The following PAPOLA variants were observed in gnomAD, a reference collection of about 807,000 sequenced individuals.
PAPOLA encodes polynucleotide adenylyltransferase alpha.
PAPOLA carries 15 observed loss-of-function variants against 100.6 expected under a neutral mutation model. That is an observed-to-expected ratio of 0.15 (90% CI 0.10 to 0.23). PAPOLA has a LOEUF of 0.23. Ranked by LOEUF, PAPOLA falls within the 10% of genes least tolerant of loss-of-function variation. The pLI, the probability that PAPOLA is intolerant of heterozygous loss-of-function variation, is 1.00. For missense variants in PAPOLA, 533 were observed against 884.2 expected, an observed-to-expected ratio of 0.60 and a Z score of 5.04; for synonymous variants, 293 against 300.0, an observed-to-expected ratio of 0.98 and a Z score of 0.24.
chr14:96,549,244 T>C (rs1900638754), intron 16 of PAPOLA, among the ~76,000 whole-genome samples: 1 of 151,964 alleles, frequency 6.6e-6, no homozygotes, highest in African/African-American at 2.4e-5. Context: ...CATGATGTTA[T>C]TCTAATTTTT....
At chr14:96,535,012 G>A (rs2140290449) in intron 10 of PAPOLA, 1 of 979,276 alleles carries the variant, frequency 1.0e-6, no homozygotes, top group South Asian at 4.7e-5. Flanking sequence ...TTACCATGAT[G>A]TAATTGTAAA....
chr14:96,559,596 T>TAC (rs1220536430), intron 19 of PAPOLA, among the ~76,000 whole-genome samples: 98 of 145,536 alleles, frequency 6.7e-4, no homozygotes, highest in Admixed American at 1.5e-3. Flanking sequence ...TATATATATA[T>TAC]ACACACACAC....
In PAPOLA at chr14:96,510,729, G is replaced by A. The variant is rs1466041423; in HGVS notation, c.8+8129G>A. On this transcript the variant is annotated intron_variant, in intron 1 of 21. Coordinates refer to ENST00000216277, the MANE Select transcript of PAPOLA (RefSeq NM_032632.5). ...TGGCTGGATGGCCCACCTGCAGTACGTTTTTAAGAATATAGTGGGATCTAA... is the reference window on the plus strand; with the variant it reads ...TGGCTGGATGGCCCACCTGCAGTACATTTTTAAGAATATAGTGGGATCTAA... 3.3e-5 allele frequency among the ~76,000 whole-genome samples: 5 copies of A among 152,162 alleles called. No homozygotes were observed. The East Asian group carries it at 7.7e-4, about 23-fold the overall frequency.
rs1265830155 is a variant in PAPOLA, at chr14:96,567,018, A to G, written c.*1968A>G. 2 of 152,394 alleles carry G rather than the reference A, an allele frequency of 1.3e-5. No homozygotes were observed. The highest frequency in any genetic ancestry group is 2.4e-5 in the African/African-American group (1 of 41,384). 9.4% of individuals were successfully genotyped at this position (152,394 alleles called of 1,614,324 possible). On this transcript the variant is annotated 3_prime_UTR_variant, in exon 22 of 22. Coordinates refer to ENST00000216277, the MANE Select transcript of PAPOLA (RefSeq NM_032632.5). The stretch of plus-strand genomic sequence containing the variant: ...TCATGACTGGAGTTTGCTTTGTTTT[A>G]TAGTATCTGTACTCCTTGTATTTTT...
chr14:96,533,227 AAGT>A (rs961474035), intron 9 of PAPOLA: 2 of 983,652 alleles, frequency 2.0e-6, no homozygotes, highest in Non-Finnish European at 2.4e-6. Context: ...ATTTAAGAAA[AAGT>A]AGAATAAAAG....
rs1458827832 is a variant in PAPOLA, at chr14:96,542,270, A to G, written c.1143A>G (p.Ala381=). 7 of 1,603,360 alleles carry G rather than the reference A, an allele frequency of 4.4e-6. No homozygotes were observed. The highest frequency in any genetic ancestry group is 2.2e-5 in the East Asian group (1 of 44,776). The change falls in exon 13 of 22, where the codon GCA becomes GCG. Residue 381 remains alanine (A), a synonymous_variant. Coordinates refer to ENST00000216277, the MANE Select transcript of PAPOLA (RefSeq NM_032632.5). The part of the protein sequence containing the change: ...YKHYIVLLAS[A]PTEKQRLEWV... ...ATTATATTGTACTTCTAGCAAGTGC[A>G]CCAACAGAAAAACAACGCCTGGAAT...
At chr14:96,560,830 A>G (rs1901782496) in intron 20 of PAPOLA, 119 bp downstream of exon 20, 3 of 644,330 alleles carry the variant, frequency 4.7e-6, no homozygotes, top group Non-Finnish European at 8.2e-6. Context: ...AGTATTGTTT[A>G]TTACTGTTAA....
intron 15 of PAPOLA, 30 bp from the exon 16 acceptor site, chr14:96,547,767 A>G (rs1900504927): frequency 2.6e-6 from 4 of 1,551,094 alleles, no homozygotes; most frequent in East Asian, 2.3e-5. Context: ...AAATGTTTCT[A>G]TTTCTTGTAA....
At chr14:96,548,510 A>G (rs78271912) in intron 16 of PAPOLA, among the ~76,000 whole-genome samples, 2 of 152,280 alleles carry the variant, frequency 1.3e-5, no homozygotes, top group African/African-American at 4.8e-5. Flanking sequence ...ATTTTAGTGG[A>G]CAGATACAAA....
At position 96,502,505 on chromosome 14, in the gene PAPOLA, T is replaced by TCCCTC; in HGVS notation, c.-85_-81dup. Reference sequence around the variant, plus strand: ...CCCAGGGCTGAGGCAGGCCCCCCCCTCCCTCCCGCCTCAGTGGATCATGCC... The same window carrying TCCCTC: ...CCCAGGGCTGAGGCAGGCCCCCCCCTCCCTCCCCTCCCGCCTCAGTGGATCATGCC... On this transcript the variant is annotated 5_prime_UTR_variant, in exon 1 of 22. Coordinates refer to ENST00000216277, the MANE Select transcript of PAPOLA (RefSeq NM_032632.5). 1 of 1,017,850 alleles carries TCCCTC rather than the reference T, an allele frequency of 9.8e-7. No homozygotes were observed. The highest frequency in any genetic ancestry group is 1.5e-5 in the South Asian group (1 of 66,298). The allele number at this position is 1,017,850 out of a possible 1,614,324, so 63.1% of individuals were successfully genotyped here. A position where few individuals can be genotyped will look rare whatever the true frequency, so the allele number is the denominator to read the frequency against.
At chr14:96,549,193 A>G (rs1900633403) in intron 16 of PAPOLA, among the ~76,000 whole-genome samples, 1 of 152,022 alleles carries the variant, frequency 6.6e-6, no homozygotes, top group South Asian at 2.1e-4. Flanking sequence ...AGATAGGTAG[A>G]TAGATGGGGA....
intron 1 of PAPOLA, among the ~76,000 whole-genome samples, chr14:96,516,428 T>G (rs1301491633): frequency 7.3e-6 from 1 of 137,636 alleles, no homozygotes; most frequent in Non-Finnish European, 1.6e-5. Flanking sequence ...TATCTCAAAC[T>G]CCTGGGCTCA....
intron 1 of PAPOLA, among the ~76,000 whole-genome samples, chr14:96,505,603 G>GGAATTGTAGTAGTTTTACA (rs1328551970): frequency 3.9e-5 from 6 of 152,114 alleles, no homozygotes; most frequent in Non-Finnish European, 8.8e-5. Flanking sequence ...CAAAAAAGAG[G>GGAATTGTAGTAGTTTTACA]GAATTGTAGT....
chr14:96,542,009 C>A, intron 12 of PAPOLA: 1 of 308,580 alleles, frequency 3.2e-6, no homozygotes, highest in Non-Finnish European at 6.0e-6. Context: ...TTGAATTAAG[C>A]TGCTTTTTGG....
rs766254927 is a variant in PAPOLA at position 96,542,776 on chromosome 14, T to A, written c.1172T>A (p.Val391Glu). ...APTEKQRLEW[V>E]GLVESKIRIL... ...AATACTAAGTGACATTTGTTCAGGG[T>A]GGGCTTGGTGGAATCAAAAATCCGA... The change falls in exon 14 of 22, where the codon GTG (valine) becomes GAG (glutamate). Residue 391 changes from valine (V) to glutamate (E), a missense_variant and splice_region_variant. By Grantham distance (121) the Val-to-Glu change is moderately radical. This residue lies in a region of PAPOLA where 87 missense variants were observed against 173.3 expected (regional missense o/e 0.50). Coordinates refer to ENST00000216277, the MANE Select transcript of PAPOLA (RefSeq NM_032632.5). 31 of 1,605,728 alleles carry A rather than the reference T, an allele frequency of 1.9e-5. No individual in the cohort carries two copies. The highest frequency in any genetic ancestry group is 2.5e-5 in the Non-Finnish European group (30 of 1,177,926).
chr14:96,554,181 A>G (rs1362985788), intron 17 of PAPOLA, among the ~76,000 whole-genome samples: 1 of 152,238 alleles, frequency 6.6e-6, no homozygotes, highest in Non-Finnish European at 1.5e-5. Context: ...TAACTTCTGT[A>G]AATAAAACTT....
intron 19 of PAPOLA, among the ~76,000 whole-genome samples, chr14:96,557,695 AATTATTTT>A (rs576128065): frequency 1.5e-4 from 23 of 151,594 alleles, no homozygotes; most frequent in African/African-American, 4.8e-4. Context: ...AATGGTGAAA[AATTATTTT>A]ATTATTTTAT....
At position 96,552,523 on chromosome 14, in the gene PAPOLA, G is replaced by A. The variant is rs375856299; in HGVS notation, c.1565G>A (p.Ser522Asn). Residue 522 changes from serine (S) to asparagine (N), a missense_variant, in exon 17 of 22, where the codon AGC becomes AAC. By Grantham distance (46) the Ser-to-Asn change is conservative (BLOSUM62 1). This residue lies in a region of PAPOLA where 242 missense variants were observed against 281.0 expected (regional missense o/e 0.86). Coordinates refer to ENST00000216277, the MANE Select transcript of PAPOLA (RefSeq NM_032632.5). The part of the protein sequence containing the change: ...GVKLTALNDS[S>N]LDLSMDSDNS... The stretch of plus-strand genomic sequence containing the variant: ...AAATTGACAGCTCTCAATGACAGCA[G>A]CCTCGACTTGTCTATGGACAGTGAT... 2.2e-5 allele frequency: 35 copies of A among 1,613,650 alleles called. No homozygotes were observed. The highest frequency in any genetic ancestry group is 6.7e-5 in the Admixed American group (4 of 59,998).
At chr14:96,544,360 T>TG (rs771414899) in intron 15 of PAPOLA, 102 bp downstream of exon 15, 39 of 629,844 alleles carry the variant, frequency 6.2e-5, no homozygotes, top group Admixed American at 1.1e-4. Flanking sequence ...TGAAATTACT[T>TG]GCGAATATTG....
Sources: allele counts gnomAD v4.1 joint callset (sites outside exome capture counted in the v4.1 genomes callset), GRCh38; gene constraint gnomAD v4.1.1; regional missense constraint gnomAD v4.1.1; transcripts MANE v1.5; gene names NCBI Gene and HGNC (gene_info 2026-07-23, HGNC 2026-07-21).